VPS41: variants seen among roughly 807,000 people sequenced by gnomAD.
The protein encoded by VPS41 is vacuolar protein sorting-associated protein 41 homolog.
A neutral mutation model predicts 130.9 loss-of-function variants in VPS41; 85 were observed. That is an observed-to-expected ratio of 0.65 (90% CI 0.55 to 0.78). The LOEUF (loss-of-function observed/expected upper bound fraction) is 0.78. Among genes scored for constraint, VPS41 ranks in the 30% least tolerant of loss-of-function variants. The pLI is 0.00. For synonymous variants in VPS41, 335 were observed against 332.9 expected, an observed-to-expected ratio of 1.01 and a Z score of -0.07; for missense variants, 874 against 1,018.7, an observed-to-expected ratio of 0.86 and a Z score of 1.93.
rs1401451197 is a variant in VPS41, at chr7:38,869,165, C to A, written c.149G>T (p.Cys50Phe). The part of the protein sequence containing the change: ...TEILQKDAAS[C>F]MTVHDKFLAL... ...TCTTACCTTGTCATGGACTGTCATGCAGCTAGCTGCATCCTTCTGAAGTAT... is the reference window on the plus strand; with the variant it reads ...TCTTACCTTGTCATGGACTGTCATGAAGCTAGCTGCATCCTTCTGAAGTAT... Residue 50 changes from cysteine to phenylalanine, a missense_variant, in exon 3 of 29, where the codon TGC (cysteine) becomes TTC (phenylalanine). Coordinates refer to ENST00000310301, the MANE Select transcript of VPS41 (RefSeq NM_014396.4). The A allele has an allele frequency of 6.2e-7, 1 of 1,603,928 alleles. No homozygotes were observed. The highest frequency in any genetic ancestry group is 8.5e-7 in the Non-Finnish European group (1 of 1,174,332).
intron 7 of VPS41, among the ~76,000 whole-genome samples, chr7:38,807,588 C>A (rs1165109718): frequency 6.6e-6 from 1 of 152,164 alleles, no homozygotes; most frequent in Non-Finnish European, 1.5e-5. Flanking sequence ...AGCCTACCAC[C>A]ATTTCTGAAA....
chr7:38,826,520 C>T (rs182283555), intron 5 of VPS41, among the ~76,000 whole-genome samples: 5 of 152,200 alleles, frequency 3.3e-5, no homozygotes, highest in African/African-American at 4.8e-5. Flanking sequence ...AGGAAGATGA[C>T]GACAATGATT....
chr7:38,798,055 C>T (rs1413908547), intron 7 of VPS41, among the ~76,000 whole-genome samples: 1 of 152,158 alleles, frequency 6.6e-6, no homozygotes, highest in Non-Finnish European at 1.5e-5. Context: ...TTCTAACCCA[C>T]CCTGTCCTCT....
chr7:38,818,396 G>A (rs1234912944), intron 6 of VPS41, among the ~76,000 whole-genome samples: 1 of 151,980 alleles, frequency 6.6e-6, no homozygotes, highest in Non-Finnish European at 1.5e-5. Context: ...AGAGCTACAG[G>A]CCCAAAGAGC....
rs1459303218 is a variant in VPS41, at chr7:38,758,416, T to C, written c.1488A>G (p.Ala496=). The change falls in exon 18 of 29, where the codon GCA becomes GCG. Residue 496 remains alanine (A), a synonymous_variant. Transcript: ENST00000310301. ...TATCTTTCTTCAAATGATCCCGAAC[T>C]GCTTGAACTATGACTGAATTATTAT... is the stretch of plus-strand genomic sequence containing the variant. The part of the protein sequence containing the change: ...DLYNNSVIVQ[A]VRDHLKKDSQ... 5.0e-6 allele frequency: 8 copies of C among 1,613,576 alleles called. No homozygotes were observed. The highest frequency in any genetic ancestry group is 6.8e-6 in the Non-Finnish European group (8 of 1,179,644).
chr7:38,751,988 T>A (rs1783683861), intron 22 of VPS41, among the ~76,000 whole-genome samples, 188 bp downstream of exon 22: 1 of 152,182 alleles, frequency 6.6e-6, no homozygotes, highest in Non-Finnish European at 1.5e-5. Flanking sequence ...TTCACCAAAG[T>A]CTAATCCAAT....
At chr7:38,891,869 CT>C (rs1370654574) in intron 2 of VPS41, among the ~76,000 whole-genome samples, 1 of 152,126 alleles carries the variant, frequency 6.6e-6, no homozygotes, top group African/African-American at 2.4e-5. Flanking sequence ...CAAATGAATG[CT>C]CTTATAGCTA....
intron 10 of VPS41, among the ~76,000 whole-genome samples, chr7:38,780,531 G>C (rs1171525936): frequency 6.6e-6 from 1 of 152,066 alleles, no homozygotes; most frequent in African/African-American, 2.4e-5. Flanking sequence ...ATATTCACAG[G>C]AAAATTCTAT....
intron 10 of VPS41, among the ~76,000 whole-genome samples, chr7:38,785,747 C>T (rs930021453): frequency 6.6e-6 from 1 of 152,134 alleles, no homozygotes; most frequent in Non-Finnish European, 1.5e-5. Context: ...CAAACAAGGG[C>T]TTTTCTTCTT....
chr7:38,747,890 T>C (rs1447347040), intron 22 of VPS41, among the ~76,000 whole-genome samples: 2 of 152,166 alleles, frequency 1.3e-5, no homozygotes, highest in African/African-American at 2.4e-5. Flanking sequence ...AAGGAAGTCA[T>C]GTGGGAAGAA....
At chr7:38,840,211 G>A (rs73123614) in intron 4 of VPS41, among the ~76,000 whole-genome samples, 9,191 of 152,166 alleles carry the variant, frequency 0.06, 286 homozygotes, top group Middle Eastern at 0.082. Flanking sequence ...TGACAACAAC[G>A]AGCTATATAA....
At chr7:38,741,290 T>C in intron 25 of VPS41, 1 of 325,718 alleles carries the variant, frequency 3.1e-6, no homozygotes, top group South Asian at 2.6e-5. Context: ...GTCCGAATTT[T>C]TAAGGAAATG....
chr7:38,783,660 C>T (rs965326717), intron 10 of VPS41, among the ~76,000 whole-genome samples: 2 of 152,024 alleles, frequency 1.3e-5, no homozygotes, highest in African/African-American at 4.8e-5. Context: ...GTGGAAACAG[C>T]AGCAATAATC....
chr7:38,811,069 T>A (rs1424461536), intron 7 of VPS41, among the ~76,000 whole-genome samples: 1 of 152,132 alleles, frequency 6.6e-6, no homozygotes, highest in Non-Finnish European at 1.5e-5. Flanking sequence ...ATGAAAGTGA[T>A]CATTTCACAA....
At chr7:38,886,283 T>C (rs185001723) in intron 2 of VPS41, among the ~76,000 whole-genome samples, 2 of 152,300 alleles carry the variant, frequency 1.3e-5, no homozygotes, top group Admixed American at 1.3e-4. Context: ...GGAGGAACGG[T>C]ATACTCCTGC....
At chr7:38,746,202 C>G (rs912850443) in intron 22 of VPS41, among the ~76,000 whole-genome samples, 4 of 149,912 alleles carry the variant, frequency 2.7e-5, no homozygotes, top group Non-Finnish European at 1.5e-5. Context: ...TTTTGATGAT[C>G]AAGAAGGATC....
chr7:38,735,395 C>T (rs1446212507), intron 25 of VPS41, among the ~76,000 whole-genome samples: 1 of 152,152 alleles, frequency 6.6e-6, no homozygotes, highest in African/African-American at 2.4e-5. Flanking sequence ...ACTATGGGGA[C>T]TGCAGCAAAT....
At chr7:38,779,698 G>A (rs568170326) in intron 10 of VPS41, among the ~76,000 whole-genome samples, 2 of 152,212 alleles carry the variant, frequency 1.3e-5, no homozygotes, top group South Asian at 2.1e-4. Flanking sequence ...CTTTTATAGC[G>A]ATGCTGAGTC....
chr7:38,796,790 C>T lies in VPS41; in HGVS notation c.525G>A (p.Arg175=). Residue 175 remains arginine, a synonymous_variant, in exon 8 of 29, where the codon AGG becomes AGA. Transcript: ENST00000310301. ...TCAGATGGCCTCTCCACTTCACACT[C>T]CTTATGTTCCCTTCCCCTTCATGCA... The part of the protein sequence containing the change: ...AVLHEGEGNI[R]SVKWRGHLIA... The T allele has an allele frequency of 6.2e-7, 1 of 1,613,994 alleles. No homozygotes were observed. The highest frequency in any genetic ancestry group is 8.5e-7 in the Non-Finnish European group (1 of 1,179,908).
Sources: gnomAD v4.1 joint callset for allele counts (sites outside exome capture counted in the v4.1 genomes callset) on GRCh38, gnomAD v4.1.1 for gene constraint, MANE v1.5 for transcripts, NCBI Gene and HGNC (gene_info 2026-07-23, HGNC 2026-07-21) for gene names.